Variants in FOXN3 observed in about 807,000 individuals in gnomAD.
FOXN3 encodes the protein forkhead box protein N3.
A neutral mutation model predicts 38.4 loss-of-function variants in FOXN3; 7 were observed. The ratio of observed to expected loss-of-function variants is 0.18; its 90% CI spans 0.10 to 0.34. The LOEUF is 0.34. FOXN3 is among the 10% of genes least tolerant of loss of function. The probability of loss-of-function intolerance (pLI) is 1.00; values close to 1 mark genes in which losing one functional copy is unlikely to be tolerated. For synonymous variants in FOXN3, 230 were observed against 242.2 expected (o/e 0.95, Z 0.47); for missense variants, 456 against 613.4 (o/e 0.74, Z 2.71).
intron 1 of FOXN3, among the ~76,000 whole-genome samples, chr14:89,530,488 C>T (rs1894534835): frequency 6.6e-6 from 1 of 152,192 alleles, no homozygotes. Flanking sequence ...CACCAGGTCC[C>T]TCCCATTACA....
chr14:89,594,809 C>A (rs891751303), intron 1 of FOXN3, among the ~76,000 whole-genome samples: 1 of 151,978 alleles, frequency 6.6e-6, no homozygotes, highest in African/African-American at 2.4e-5. Context: ...TCACCTGAAT[C>A]CGGGAGGCAG....
intron 2 of FOXN3, among the ~76,000 whole-genome samples, chr14:89,363,492 C>T (rs1458668431): frequency 6.7e-5 from 8 of 120,066 alleles, no homozygotes; most frequent in African/African-American, 2.7e-4. Context: ...GTCTACACTG[C>T]TAACTTGCTG....
At chr14:89,347,652 C>T (rs1258731780) in intron 3 of FOXN3, among the ~76,000 whole-genome samples, 2 of 152,202 alleles carry the variant, frequency 1.3e-5, no homozygotes, top group Non-Finnish European at 2.9e-5. Context: ...CAAAAGGGCA[C>T]TTTAGAAAAC....
intron 2 of FOXN3, among the ~76,000 whole-genome samples, chr14:89,380,701 G>A (rs1890620610): frequency 6.6e-6 from 1 of 152,238 alleles, no homozygotes; most frequent in South Asian, 2.1e-4. Flanking sequence ...ATAAAGAGCG[G>A]AGGCAATGAC....
At chr14:89,316,254 G>C (rs1887715963) in intron 3 of FOXN3, among the ~76,000 whole-genome samples, 1 of 152,158 alleles carries the variant, frequency 6.6e-6, no homozygotes, top group Non-Finnish European at 1.5e-5. Flanking sequence ...ACAGGCCCCA[G>C]CTGTCCCAGA....
intron 1 of FOXN3, among the ~76,000 whole-genome samples, chr14:89,414,411 A>T (rs1264246174): frequency 6.6e-6 from 1 of 152,234 alleles, no homozygotes; most frequent in African/African-American, 2.4e-5. Flanking sequence ...AAGCTCTATT[A>T]GGGAATTCTA....
chr14:89,468,252 A>G (rs952025242), intron 1 of FOXN3, among the ~76,000 whole-genome samples: 1 of 151,920 alleles, frequency 6.6e-6, no homozygotes, highest in Non-Finnish European at 1.5e-5. Context: ...TCAAGAGTTC[A>G]AGACCAGCCT....
intron 3 of FOXN3, among the ~76,000 whole-genome samples, chr14:89,325,314 GACCACCACCACCACCACCACCACC>G (rs774094314): frequency 2.9e-5 from 3 of 101,762 alleles, no homozygotes; most frequent in African/African-American, 1.2e-4. Context: ...CCACCACCAC[GACCACCACCACCACCACCACCACC>G]ACCACCACCA....
chr14:89,498,032 C>G (rs1204351555), intron 1 of FOXN3, among the ~76,000 whole-genome samples: 1 of 152,088 alleles, frequency 6.6e-6, no homozygotes, highest in Non-Finnish European at 1.5e-5. Context: ...TTTTAACACT[C>G]CTACTGGCTA....
At chr14:89,389,139 G>T (rs960635617) in intron 2 of FOXN3, among the ~76,000 whole-genome samples, 1 of 152,108 alleles carries the variant, frequency 6.6e-6, no homozygotes, top group East Asian at 1.9e-4. Flanking sequence ...TTACAGGCCC[G>T]TTTGGGAGGA....
At chr14:89,415,438 G>A (rs2140100173) in intron 1 of FOXN3, among the ~76,000 whole-genome samples, 1 of 151,972 alleles carries the variant, frequency 6.6e-6, no homozygotes, top group East Asian at 1.9e-4. Context: ...ACGAAGAGAG[G>A]GTTATGGGAG....
At chr14:89,223,905 G>A (rs1024042956) in intron 4 of FOXN3, among the ~76,000 whole-genome samples, 1 of 152,158 alleles carries the variant, frequency 6.6e-6, no homozygotes, top group Non-Finnish European at 1.5e-5. Flanking sequence ...TCAACATATC[G>A]ATGCAGATCA....
chr14:89,599,803 G>T (rs767971487), intron 1 of FOXN3, among the ~76,000 whole-genome samples: 1 of 152,114 alleles, frequency 6.6e-6, no homozygotes, highest in African/African-American at 2.4e-5. Flanking sequence ...TAGACTCAGG[G>T]TTCTCAATGA....
At chr14:89,573,042 G>A (rs533019281) in intron 1 of FOXN3, among the ~76,000 whole-genome samples, 98 of 152,312 alleles carry the variant, frequency 6.4e-4, no homozygotes, top group African/African-American at 2.3e-3. Context: ...GGTTTGGGGA[G>A]TTCACCTCTC....
intron 1 of FOXN3, among the ~76,000 whole-genome samples, chr14:89,615,025 A>G (rs1317904110): frequency 6.6e-6 from 1 of 151,898 alleles, no homozygotes; most frequent in Non-Finnish European, 1.5e-5. Flanking sequence ...AAACTAATCC[A>G]GACTTCTGCA....
At chr14:89,317,199 A>G (rs926763455) in intron 3 of FOXN3, among the ~76,000 whole-genome samples, 3 of 152,236 alleles carry the variant, frequency 2.0e-5, no homozygotes, top group African/African-American at 7.2e-5. Context: ...GGCCTCTGAC[A>G]GTGAGTGAGG....
rs529097024 is a variant in FOXN3 at position 89,483,172 on chromosome 14, A to T, written c.-14-70682T>A. Among the ~76,000 whole-genome samples, 5 of 152,240 alleles carry T rather than the reference A, an allele frequency of 3.3e-5. No homozygotes were observed. In the East Asian group the frequency reaches 9.7e-4, roughly 29 times the overall value. ...CACAGACCCAAGATCGCACCATTGC[A>T]CTCTAGCCTGGGAGGCAGAGTGGGA... On this transcript the variant is annotated intron_variant, in intron 1 of 6. Coordinates refer to the FOXN3 transcript ENST00000345097.
At chr14:89,286,819 A>G (rs995477264) in intron 3 of FOXN3, among the ~76,000 whole-genome samples, 1 of 152,090 alleles carries the variant, frequency 6.6e-6, no homozygotes, top group Non-Finnish European at 1.5e-5. Flanking sequence ...TTCACAAAAT[A>G]CCACTCACCG....
intron 3 of FOXN3, among the ~76,000 whole-genome samples, chr14:89,331,702 C>G (rs1231859783): frequency 6.6e-6 from 1 of 152,206 alleles, no homozygotes; most frequent in African/African-American, 2.4e-5. Flanking sequence ...AAATAGGCTT[C>G]ATTCTGACTG....
Sources: gnomAD v4.1 joint callset for allele counts (sites outside exome capture counted in the v4.1 genomes callset) on GRCh38, gnomAD v4.1.1 for gene constraint, MANE v1.5 for transcripts, NCBI Gene and HGNC (gene_info 2026-07-23, HGNC 2026-07-21) for gene names.